GALNT18: variants seen among roughly 807,000 people sequenced by gnomAD.
GALNT18 encodes the protein GalNAc-transferase 18.
A neutral mutation model predicts 69.5 loss-of-function variants in GALNT18; 44 were observed. That is an observed-to-expected ratio of 0.63 (90% CI 0.50 to 0.81). The LOEUF is 0.81. GALNT18 is among the 40% of genes least tolerant of loss of function. The probability of loss-of-function intolerance (pLI) is 0.00; values close to 1 mark genes in which losing one functional copy is unlikely to be tolerated. For synonymous variants in GALNT18, 364 were observed against 318.2 expected, an observed-to-expected ratio of 1.14 and a Z score of -1.53; for missense variants, 715 against 810.0, an observed-to-expected ratio of 0.88 and a Z score of 1.42.
At chr11:11,422,389 T>A (rs1157061860) in intron 3 of GALNT18, among the ~76,000 whole-genome samples, 1 of 152,170 alleles carries the variant, frequency 6.6e-6, no homozygotes, top group African/African-American at 2.4e-5. Context: ...GGTTGCCAGG[T>A]ATTTGCTGCC....
chr11:11,364,567 G>T (rs1427268844), intron 6 of GALNT18, among the ~76,000 whole-genome samples: 1 of 152,110 alleles, frequency 6.6e-6, no homozygotes, highest in Non-Finnish European at 1.5e-5. Context: ...GGGAAAAAGA[G>T]ATGGAGAAAG....
At position 11,421,593 on chromosome 11, in the gene GALNT18, CAG is replaced by C. The variant is rs1370277933; in HGVS notation, c.595+11026_595+11027del. 3.3e-5 allele frequency among the ~76,000 whole-genome samples: 5 copies of C among 152,136 alleles called. No individual in the cohort carries two copies. Among genetic ancestry groups the C allele is most frequent in the African/African-American group, 1.2e-4 (5 of 41,424 alleles). On this transcript the variant is annotated intron_variant, in intron 3 of 10. Coordinates refer to ENST00000227756, the MANE Select transcript of GALNT18 (RefSeq NM_198516.3). The surrounding 1 kb of genome is among the most constrained non-coding windows in gnomAD (Gnocchi z 5.6). ...CAGAGAACAGCAAGTTGACAGGAAA[CAG>C]AGGCAGGCCAAACGCAGGACCAATG...
intron 6 of GALNT18, among the ~76,000 whole-genome samples, chr11:11,355,763 G>T (rs1466646412): frequency 6.6e-6 from 1 of 152,084 alleles, no homozygotes; most frequent in Non-Finnish European, 1.5e-5. Flanking sequence ...ACCTCCTGAT[G>T]TGCAGCATTT....
rs372460297 is a variant in GALNT18 at position 11,275,266 on chromosome 11, G to A, written c.1678-3976C>T. ...CTGGTGTGAGATGGTATCTCATTGC[G>A]GTTTTGATTTGCATTTCTCTAATGA... is the stretch of plus-strand genomic sequence containing the variant. On this transcript the variant is annotated intron_variant, in intron 10 of 10. Transcript: ENST00000227756. Among the ~76,000 whole-genome samples, 24 of 152,290 alleles carry A rather than the reference G, an allele frequency of 1.6e-4. No individual in the cohort carries two copies. The East Asian group carries it at 3.1e-3, about 20-fold the overall frequency.
In GALNT18 at chr11:11,454,536, A is replaced by G. The variant is rs1055865396; in HGVS notation, c.236-5600T>C. Among the ~76,000 whole-genome samples the G allele has an allele frequency of 6.6e-6, 1 of 151,902 alleles. No homozygotes were observed. Among genetic ancestry groups the G allele is most frequent in the African/African-American group, 2.4e-5 (1 of 41,358 alleles). ...TCTCTCTCTCTCTCTTTCAAATCTC[A>G]CCAAGTAAGGCTCAGAATCAAAAAG... On this transcript the variant is annotated intron_variant, in intron 1 of 10. Transcript: ENST00000227756. The surrounding 1 kb of genome is among the most constrained non-coding windows in gnomAD (Gnocchi z 4.2).
At chr11:11,294,064 G>A (rs1479180913) in intron 9 of GALNT18, among the ~76,000 whole-genome samples, 4 of 152,122 alleles carry the variant, frequency 2.6e-5, no homozygotes, top group Non-Finnish European at 5.9e-5. Context: ...TTTTCTATGG[G>A]GACTCATAGG....
chr11:11,409,497 C>T (rs767636375), intron 3 of GALNT18, among the ~76,000 whole-genome samples: 4 of 152,134 alleles, frequency 2.6e-5, no homozygotes, highest in Non-Finnish European at 5.9e-5. Flanking sequence ...ACAAGCCAGC[C>T]TTCCTGTGCT....
In GALNT18 at chr11:11,523,960, C is replaced by G. The variant is rs1857460607; in HGVS notation, c.236-75024G>C. ...CTGGGCACTGCCAATACTGTGGATA[C>G]TGGGCACTGCATTGCAGCTACCAGC... On this transcript the variant is annotated intron_variant, in intron 1 of 10. Transcript: ENST00000227756. This position sits in a 1 kb window ranked among gnomAD's most constrained non-coding sequence, Gnocchi z 4.3. 1.3e-5 allele frequency among the ~76,000 whole-genome samples: 2 copies of G among 152,138 alleles called. No individual in the cohort carries two copies. Among genetic ancestry groups the G allele is most frequent in the African/African-American group, 4.8e-5 (2 of 41,438 alleles).
intron 9 of GALNT18, among the ~76,000 whole-genome samples, chr11:11,319,153 G>C (rs148145127): frequency 3.3e-5 from 5 of 152,050 alleles, no homozygotes; most frequent in Non-Finnish European, 5.9e-5. Flanking sequence ...CTCAGTACTT[G>C]CTTAACCGTC....
At chr11:11,549,818 T>C (rs2133967414) in intron 1 of GALNT18, among the ~76,000 whole-genome samples, 1 of 152,290 alleles carries the variant, frequency 6.6e-6, no homozygotes, top group Middle Eastern at 3.4e-3. Flanking sequence ...CCCACACAAA[T>C]ATCCTTGTAG....
At position 11,430,792 on chromosome 11, in the gene GALNT18, T is replaced by C. The variant is rs932228860; in HGVS notation, c.595+1829A>G. Among the ~76,000 whole-genome samples, 1 of 152,212 alleles carries C rather than the reference T, an allele frequency of 6.6e-6. No individual in the cohort carries two copies. The highest frequency in any genetic ancestry group is 1.5e-5 in the Non-Finnish European group (1 of 68,038). Reference sequence around the variant, plus strand: ...TAACTTCTCCCTGACTCCAGGCCTCTTGACTTCTCTCTCTACTGCTGCAAT... The same window carrying C: ...TAACTTCTCCCTGACTCCAGGCCTCCTGACTTCTCTCTCTACTGCTGCAAT... On this transcript the variant is annotated intron_variant, in intron 3 of 10. Transcript: ENST00000227756. This position sits in a 1 kb window ranked among gnomAD's most constrained non-coding sequence, Gnocchi z 4.9.
intron 6 of GALNT18, among the ~76,000 whole-genome samples, chr11:11,370,527 C>T (rs984517875): frequency 6.6e-6 from 1 of 151,898 alleles, no homozygotes; most frequent in African/African-American, 2.4e-5. Context: ...GTTTTAAATG[C>T]CACCCTTTCT....
rs1855002914 is a variant in GALNT18 at position 11,421,466 on chromosome 11, CAG to C, written c.595+11153_595+11154del. On this transcript the variant is annotated intron_variant, in intron 3 of 10. Transcript: ENST00000227756. This position sits in a 1 kb window ranked among gnomAD's most constrained non-coding sequence, Gnocchi z 5.6. ...GAGCCCCAGTTTGGTGTACAGGGAACAGAGTCTAGCCCCTCAAGGAAGAGGAT... is the reference window on the plus strand; with the variant it reads ...GAGCCCCAGTTTGGTGTACAGGGAACAGTCTAGCCCCTCAAGGAAGAGGAT... Among the ~76,000 whole-genome samples, 1 of 152,144 alleles carries C rather than the reference CAG, an allele frequency of 6.6e-6. No homozygotes were observed. The highest frequency in any genetic ancestry group is 6.5e-5 in the Admixed American group (1 of 15,280).
intron 7 of GALNT18, among the ~76,000 whole-genome samples, chr11:11,336,065 T>A (rs911491665): frequency 2.0e-5 from 3 of 152,324 alleles, no homozygotes; most frequent in South Asian, 2.1e-4. Flanking sequence ...CAAAATTCCT[T>A]GTAGCCAGAC....
intron 10 of GALNT18, 111 bp from the exon 11 acceptor site, chr11:11,271,401 T>G: frequency 9.2e-7 from 1 of 1,084,860 alleles, no homozygotes; most frequent in African/African-American, 1.5e-5. Context: ...TGTGGCCAGA[T>G]CCCAGGAGGT....
Position 11,314,943 on chromosome 11 carries a change from T to C in GALNT18, c.1512+12143A>G, listed in dbSNP as rs1247729366. On this transcript the variant is annotated intron_variant, in intron 9 of 10. Transcript: ENST00000227756. This position sits in a 1 kb window ranked among gnomAD's most constrained non-coding sequence, Gnocchi z 5.2. ...GGGGCCTAGGGATATCTTTACATGTTTGAGCCAAATGAGGATAAGCTGGCA... is the reference window on the plus strand; with the variant it reads ...GGGGCCTAGGGATATCTTTACATGTCTGAGCCAAATGAGGATAAGCTGGCA... 6.6e-6 allele frequency among the ~76,000 whole-genome samples: 1 copy of C among 152,134 alleles called. No homozygotes were observed. Among genetic ancestry groups the C allele is most frequent in the Non-Finnish European group, 1.5e-5 (1 of 68,026 alleles).
intron 3 of GALNT18, among the ~76,000 whole-genome samples, chr11:11,394,457 G>A (rs1358044144): frequency 6.6e-6 from 1 of 152,186 alleles, no homozygotes; most frequent in African/African-American, 2.4e-5. Context: ...AAGTCATAAG[G>A]AAGCTTTGTT....
intron 6 of GALNT18, among the ~76,000 whole-genome samples, chr11:11,365,643 C>T (rs138603764): frequency 1.6e-4 from 24 of 152,294 alleles, no homozygotes; most frequent in African/African-American, 4.8e-4. Flanking sequence ...CACAGCCTCA[C>T]AAGCATCTAT....
chr11:11,285,019 A>C (rs1056739686), intron 10 of GALNT18, among the ~76,000 whole-genome samples: 3 of 148,272 alleles, frequency 2.0e-5, no homozygotes, highest in Non-Finnish European at 4.4e-5. Flanking sequence ...CCTTGGACTG[A>C]AGATGGGGTA....
Sources: gnomAD v4.1 joint callset for allele counts (sites outside exome capture counted in the v4.1 genomes callset) on GRCh38, gnomAD v4.1.1 for gene constraint, Gnocchi (gnomAD v3.1) non-coding constraint, MANE v1.5 for transcripts, NCBI Gene and HGNC (gene_info 2026-07-23, HGNC 2026-07-21) for gene names.